Variants in GMEB2 observed in about 807,000 individuals in gnomAD.
The protein encoded by GMEB2 is glucocorticoid modulatory element binding protein 2.
GMEB2 carries 7 observed loss-of-function variants against 45.7 expected under a neutral mutation model. That is an observed-to-expected ratio of 0.15 (90% CI 0.09 to 0.29). GMEB2 has a LOEUF of 0.29. GMEB2 is among the 10% of genes least tolerant of loss of function. The pLI is 1.00. For missense variants in GMEB2, 582 were observed against 739.2 expected (o/e 0.79, Z 2.47); for synonymous variants, 322 against 323.6 (o/e 1.00, Z 0.05).
Position 63,590,418 on chromosome 20 carries a change from A to T in GMEB2, c.1264T>A (p.Ser422Thr). The T allele has an allele frequency of 6.4e-7, 1 of 1,566,390 alleles. No homozygotes were observed. Among genetic ancestry groups the T allele is most frequent in the African/African-American group, 1.3e-5 (1 of 74,126 alleles). ...KGSLQAPPAS[S>T]PASPLLGGYT... ...CCCCCGAGCAGCGGGGAGGCCGGGG[A>T]GCTGGCGGGGGGCGCCTGAAGGGAA... is the stretch of plus-strand genomic sequence containing the variant. Residue 422 changes from serine (S) to threonine (T), a missense_variant, in exon 10 of 10, where the codon TCC becomes ACC. Transcript: ENST00000370077.
At chr20:63,617,397 A>G (rs1036001297) in intron 2 of GMEB2, among the ~76,000 whole-genome samples, 1 of 152,178 alleles carries the variant, frequency 6.6e-6, no homozygotes, top group African/African-American at 2.4e-5. Flanking sequence ...CAACAGCTGA[A>G]CCTGGCAGAC....
At chr20:63,604,488 G>A (rs1203797625) in intron 3 of GMEB2, among the ~76,000 whole-genome samples, 1 of 152,218 alleles carries the variant, frequency 6.6e-6, no homozygotes, top group Non-Finnish European at 1.5e-5. Context: ...AAAGAGGAGA[G>A]AGCTGCAAAC....
chr20:63,602,882 G>C, intron 4 of GMEB2, 83 bp downstream of exon 4: 1 of 1,250,956 alleles, frequency 8.0e-7, no homozygotes, highest in South Asian at 1.3e-5. Context: ...GCCTCAGGAT[G>C]CACTCAGCAC....
intron 1 of GMEB2, among the ~76,000 whole-genome samples, chr20:63,623,130 C>G (rs557150440): frequency 1.3e-5 from 2 of 151,834 alleles, no homozygotes; most frequent in Non-Finnish European, 2.9e-5. Context: ...AGGAGGGTAT[C>G]GAAAATGAGT....
chr20:63,606,216 T>A (rs1398056706), intron 2 of GMEB2, among the ~76,000 whole-genome samples: 1 of 151,880 alleles, frequency 6.6e-6, no homozygotes, highest in African/African-American at 2.4e-5. Flanking sequence ...AAAAAATAAG[T>A]TTTTTTTACT....
rs765991750 is a variant in GMEB2, at chr20:63,619,374, C to T, written c.24G>A (p.Val8=). The T allele has an allele frequency of 1.2e-6, 2 of 1,612,296 alleles. No individual in the cohort carries two copies. The highest frequency in any genetic ancestry group is 1.7e-5 in the Admixed American group (1 of 60,006). Residue 8 remains valine (V), a synonymous_variant, in exon 2 of 10, where the codon GTG becomes GTA. Transcript: ENST00000370077. This position sits in a 1 kb window ranked among gnomAD's most constrained non-coding sequence, Gnocchi z 4.6. ...TCACAACCACCACCTCCTCCATGTG[C>T]ACACTCACGTCGGGAGTCGCCATGG... MATPDVS[V]HMEEVVVVTT... is the part of the protein sequence containing the mutation.
chr20:63,599,437 C>T (rs1389084861), intron 4 of GMEB2, among the ~76,000 whole-genome samples: 2 of 152,228 alleles, frequency 1.3e-5, no homozygotes, highest in Non-Finnish European at 2.9e-5. Context: ...AACATCCTTC[C>T]ATCATGATCT....
chr20:63,612,744 C>T (rs2089579966), intron 2 of GMEB2, among the ~76,000 whole-genome samples: 1 of 150,714 alleles, frequency 6.6e-6, no homozygotes, highest in Admixed American at 6.6e-5. Context: ...GGAGAGCCAC[C>T]CAGCCGAGCC....
intron 2 of GMEB2, among the ~76,000 whole-genome samples, chr20:63,612,792 G>A (rs2089580462): frequency 6.6e-6 from 1 of 152,156 alleles, no homozygotes; most frequent in Non-Finnish European, 1.5e-5. Flanking sequence ...AGAGACCCCT[G>A]TGGCCAAGGC....
chr20:63,592,448 C>G lies in GMEB2; in HGVS notation c.829+85G>C. On this transcript the variant is annotated intron_variant, in intron 8 of 9. Transcript: ENST00000370077. The surrounding 1 kb of genome is among the most constrained non-coding windows in gnomAD (Gnocchi z 8.2). ...CTCCAACCCAGCAGCACAGAAGGGC[C>G]TAGGGGCAGGAGGGCCAGTGGCCTC... 9.4e-7 allele frequency: 1 copy of G among 1,059,882 alleles called. No individual in the cohort carries two copies. Among genetic ancestry groups the G allele is most frequent in the Middle Eastern group, 2.4e-4 (1 of 4,134 alleles). 65.7% of individuals were successfully genotyped at this position (1,059,882 alleles called of 1,614,324 possible).
intron 1 of GMEB2, among the ~76,000 whole-genome samples, chr20:63,626,647 C>A (rs1318733433): frequency 6.6e-6 from 1 of 151,008 alleles, no homozygotes; most frequent in Non-Finnish European, 1.5e-5. Context: ...GCGGGTCGCA[C>A]CCCTGCGGCG....
chr20:63,603,917 G>C (rs2089497309), intron 3 of GMEB2, among the ~76,000 whole-genome samples: 1 of 151,864 alleles, frequency 6.6e-6, no homozygotes, highest in Non-Finnish European at 1.5e-5. Context: ...AGCTGGGCAT[G>C]GTGGCATGTG....
Position 63,604,829 on chromosome 20 carries a change from G to C in GMEB2, c.143C>G (p.Thr48Arg). ...ATTTTCTGTCTCCATGTTATCTTCC[G>C]TCAGGTCGCCCCTGGTGAAGTGAAG... ...TNLAPHGGDL[T>R]EDNMETENAA... The change falls in exon 3 of 10, where the codon ACG (threonine) becomes AGG (arginine). Residue 48 changes from threonine (T) to arginine (R), a missense_variant. By Grantham distance (71) the Thr-to-Arg change is moderately conservative (BLOSUM62 -1). This residue lies in a region of GMEB2 where 114 missense variants were observed against 123.4 expected (regional missense o/e 0.92). Coordinates refer to ENST00000370077, the MANE Select transcript of GMEB2 (RefSeq NM_012384.5). The C allele has an allele frequency of 1.2e-6, 2 of 1,604,974 alleles. No individual in the cohort carries two copies. Among genetic ancestry groups the C allele is most frequent in the African/African-American group, 1.3e-5 (1 of 74,892 alleles).
At chr20:63,614,093 C>T (rs534309721) in intron 2 of GMEB2, among the ~76,000 whole-genome samples, 8 of 151,898 alleles carry the variant, frequency 5.3e-5, no homozygotes, top group East Asian at 1.9e-4. Flanking sequence ...ACCTAGGTGC[C>T]GAGGCAAGAG....
In GMEB2 at chr20:63,603,073, C is replaced by T; in HGVS notation, c.249G>A (p.Gly83=). The T allele has an allele frequency of 1.2e-6, 2 of 1,614,076 alleles. No individual in the cohort carries two copies. The highest frequency in any genetic ancestry group is 8.5e-7 in the Non-Finnish European group (1 of 1,179,944). ...EAVLVKMAEE[G]ENLEAEIVYP... ...ACACAATCTCAGCTTCCAGGTTCTC[C>T]CCCTCTTCAGCCATCTTCACTTCTC... is the stretch of plus-strand genomic sequence containing the variant. Residue 83 remains glycine, a synonymous_variant, in exon 4 of 10, where the codon GGG becomes GGA. Transcript: ENST00000370077.
intron 9 of GMEB2, among the ~76,000 whole-genome samples, chr20:63,591,756 C>T (rs557869225): frequency 6.7e-4 from 102 of 152,360 alleles, no homozygotes; most frequent in Non-Finnish European, 1.3e-3. Context: ...TGAGCCACCG[C>T]GCCTGGCCTC....
chr20:63,625,152 G>A (rs188534625), intron 1 of GMEB2, among the ~76,000 whole-genome samples: 56 of 152,160 alleles, frequency 3.7e-4, no homozygotes, highest in African/African-American at 1.3e-3. Context: ...TCCCAAGGGC[G>A]AGCACCCCCT....
intron 1 of GMEB2, among the ~76,000 whole-genome samples, chr20:63,621,257 G>A (rs1457474568): frequency 6.6e-6 from 1 of 152,062 alleles, no homozygotes; most frequent in Non-Finnish European, 1.5e-5. Flanking sequence ...GGGAGTACAG[G>A]GAGTTGTTCT....
intron 5 of GMEB2, 106 bp downstream of exon 5, chr20:63,597,651 C>T (rs1251541466): frequency 2.8e-6 from 2 of 704,872 alleles, no homozygotes; most frequent in Non-Finnish European, 5.1e-6. Context: ...TCAGCACTCA[C>T]CACATCTAAA....
Sources: gnomAD v4.1 joint callset for allele counts (sites outside exome capture counted in the v4.1 genomes callset) on GRCh38, gnomAD v4.1.1 for gene constraint, gnomAD v4.1.1 regional missense constraint, Gnocchi (gnomAD v3.1) non-coding constraint, MANE v1.5 for transcripts, NCBI Gene and HGNC (gene_info 2026-07-23, HGNC 2026-07-21) for gene names.